LCORL: variants seen among roughly 807,000 people sequenced by gnomAD.
LCORL encodes ligand-dependent nuclear receptor corepressor-like protein.
In LCORL, 41 loss-of-function variants were observed where a neutral mutation model predicts 141.8. The observed-to-expected ratio is 0.29, with a 90% confidence interval of 0.23 to 0.38. LCORL has a LOEUF of 0.38. Among genes scored for constraint, LCORL ranks in the 10% least tolerant of loss-of-function variants. The pLI, the probability that LCORL is intolerant of heterozygous loss-of-function variation, is 1.00. For synonymous variants in LCORL, 618 were observed against 694.1 expected, an observed-to-expected ratio of 0.89 and a Z score of 1.72; for missense variants, 1,759 against 2,035.0, an observed-to-expected ratio of 0.86 and a Z score of 2.61.
At chr4:17,865,503 T>C (rs1227125065) in intron 7 of LCORL, among the ~76,000 whole-genome samples, 1 of 152,132 alleles carries the variant, frequency 6.6e-6, no homozygotes, top group Non-Finnish European at 1.5e-5. Flanking sequence ...AACATGTCTC[T>C]AAATAATCCA....
intron 1 of LCORL, among the ~76,000 whole-genome samples, chr4:17,987,173 T>A (rs1020717594): frequency 1.3e-5 from 2 of 152,218 alleles, no homozygotes; most frequent in Admixed American, 6.5e-5. Context: ...TTATTACTCA[T>A]GAAGTCTCAA....
intron 7 of LCORL, among the ~76,000 whole-genome samples, chr4:17,867,893 A>G (rs1323278625): frequency 6.6e-6 from 1 of 152,222 alleles, no homozygotes; most frequent in Non-Finnish European, 1.5e-5. Context: ...ATATTATGGC[A>G]AAAGTTAGAG....
intron 1 of LCORL, among the ~76,000 whole-genome samples, chr4:17,977,532 A>C (rs374002711): frequency 3.3e-5 from 5 of 152,274 alleles, no homozygotes; most frequent in Middle Eastern, 3.4e-3. Flanking sequence ...TTCCCTATTG[A>C]CCATCTTTTC....
chr4:17,998,987 TATATATATATATATATACACAC>T (rs1359484930), intron 1 of LCORL, among the ~76,000 whole-genome samples: 10,809 of 61,820 alleles, frequency 0.17, 809 homozygotes, highest in South Asian at 0.3. Context: ...AAAAAAAAAA[TATATATATATATATATACACAC>T]ATATATATAT....
intron 4 of LCORL, among the ~76,000 whole-genome samples, chr4:17,946,746 C>A (rs1390797488): frequency 6.6e-6 from 1 of 151,936 alleles, no homozygotes; most frequent in East Asian, 1.9e-4. Context: ...TTAAGGCCTA[C>A]AATCTCATAC....
intron 1 of LCORL, among the ~76,000 whole-genome samples, chr4:17,983,224 C>T (rs1313705200): frequency 6.6e-6 from 1 of 152,096 alleles, no homozygotes; most frequent in Non-Finnish European, 1.5e-5. Context: ...GTTCTGTTTG[C>T]TTAGGATTGC....
In LCORL at chr4:17,884,518, C is replaced by T; in HGVS notation, c.776+1550G>A. ...GCACTGCACAAGTTTCTTTACTGTC[C>T]TTATATGAATAACTATCATGGAAAT... On this transcript the variant is annotated intron_variant, in intron 6 of 7. Coordinates refer to ENST00000635767, the Ensembl canonical transcript of LCORL. The surrounding 1 kb of genome is among the most constrained non-coding windows in gnomAD (Gnocchi z 4.4). The T allele has an allele frequency of 6.5e-7, 1 of 1,540,982 alleles. No homozygotes were observed. The highest frequency in any genetic ancestry group is 8.7e-7 in the Non-Finnish European group (1 of 1,143,610).
chr4:17,848,850 C>A (rs1035910351), intron 7 of LCORL, among the ~76,000 whole-genome samples: 1 of 152,204 alleles, frequency 6.6e-6, no homozygotes, highest in African/African-American at 2.4e-5. Flanking sequence ...TTCCGACGGG[C>A]TTAAAAAACG....
chr4:17,880,546 T>C, intron 6 of LCORL: 1 of 955,344 alleles, frequency 1.0e-6, no homozygotes, highest in Non-Finnish European at 1.2e-6. Context: ...ATTAGAATAC[T>C]ATATTTAATA....
At chr4:17,962,214 T>C (rs1275865350) in intron 3 of LCORL, among the ~76,000 whole-genome samples, 182 bp from the exon 4 acceptor site, 3 of 147,610 alleles carry the variant, frequency 2.0e-5, no homozygotes, top group East Asian at 2.0e-4. Flanking sequence ...ATAGCTCTGA[T>C]AGAGAGTCAA....
chr4:17,923,529 C>T (rs1334543779), intron 4 of LCORL, among the ~76,000 whole-genome samples: 2 of 152,030 alleles, frequency 1.3e-5, no homozygotes, highest in African/African-American at 4.8e-5. Flanking sequence ...GCCTTTAATC[C>T]CAGCTACTTA....
intron 5 of LCORL, among the ~76,000 whole-genome samples, chr4:17,905,676 C>T (rs1731496060): frequency 6.6e-6 from 1 of 151,894 alleles, no homozygotes; most frequent in Non-Finnish European, 1.5e-5. Context: ...TTATACTATC[C>T]ATAAATGTAT....
At chr4:17,950,796 TA>T (rs879706802) in intron 4 of LCORL, among the ~76,000 whole-genome samples, 128 of 145,540 alleles carry the variant, frequency 8.8e-4, no homozygotes, top group Admixed American at 6.8e-4. Context: ...CACCGAATCT[TA>T]AAAAAAAAAA....
chr4:17,875,210 C>A (rs1321865390), exon 7 of LCORL: 36 of 1,231,544 alleles, frequency 2.9e-5, no homozygotes, highest in Non-Finnish European at 3.4e-5. Context: ...TATTAATAGT[C>A]ACAGATATGC....
At chr4:17,957,436 G>A (rs1184752911) in intron 4 of LCORL, among the ~76,000 whole-genome samples, 1 of 151,968 alleles carries the variant, frequency 6.6e-6, no homozygotes, top group Non-Finnish European at 1.5e-5. Flanking sequence ...GAGACTGAGG[G>A]ATTCTGTTGA....
At chr4:17,843,199 T>C in exon 8 of LCORL, 1 of 1,268,202 alleles carries the variant, frequency 7.9e-7, no homozygotes. Context: ...GGCTATCAAT[T>C]AAACACTGAT....
chr4:17,864,809 C>T (rs1725445802), intron 7 of LCORL, among the ~76,000 whole-genome samples: 1 of 152,072 alleles, frequency 6.6e-6, no homozygotes, highest in South Asian at 2.1e-4. Context: ...TGAAAAGATA[C>T]ACTATGATAA....
chr4:17,843,402 T>A (rs776694732), exon 8 of LCORL: 1 of 1,611,554 alleles, frequency 6.2e-7, no homozygotes, highest in South Asian at 1.1e-5. Flanking sequence ...CCTTGCCCAA[T>A]TTCTCAATGA....
intron 4 of LCORL, among the ~76,000 whole-genome samples, chr4:17,959,163 T>C (rs1413646104): frequency 6.6e-6 from 1 of 152,026 alleles, no homozygotes; most frequent in Non-Finnish European, 1.5e-5. Context: ...TATAAGGGAA[T>C]TAATCACTGA....
Sources: gnomAD v4.1 joint callset for allele counts (sites outside exome capture counted in the v4.1 genomes callset) on GRCh38, gnomAD v4.1.1 for gene constraint, Gnocchi (gnomAD v3.1) non-coding constraint, MANE v1.5 for transcripts, NCBI Gene and HGNC (gene_info 2026-07-23, HGNC 2026-07-21) for gene names.